The following NBEA variants were observed in gnomAD, a reference collection of about 807,000 sequenced individuals.
The protein encoded by NBEA is lysosomal-trafficking regulator 2.
NBEA carries 44 observed loss-of-function variants against 343.4 expected under a neutral mutation model. The ratio of observed to expected loss-of-function variants is 0.13; its 90% CI spans 0.10 to 0.16. The LOEUF (loss-of-function observed/expected upper bound fraction) is 0.16. Among genes scored for constraint, NBEA ranks in the 10% least tolerant of loss-of-function variants. The probability of loss-of-function intolerance (pLI) is 1.00; values close to 1 mark genes in which losing one functional copy is unlikely to be tolerated. For missense variants in NBEA, 2,555 were observed against 3,631.3 expected (o/e 0.70, Z 7.62); for synonymous variants, 1,175 against 1,238.7 (o/e 0.95, Z 1.08).
chr13:35,559,157 CT>C (rs1401712289), intron 44 of NBEA, among the ~76,000 whole-genome samples: 4 of 152,168 alleles, frequency 2.6e-5, no homozygotes, highest in African/African-American at 9.7e-5. Flanking sequence ...CTTAGAGAAG[CT>C]TCAGTAATGC....
chr13:35,085,263 T>A (rs550530771), intron 10 of NBEA, among the ~76,000 whole-genome samples: 2 of 152,150 alleles, frequency 1.3e-5, no homozygotes, highest in African/African-American at 4.8e-5. Flanking sequence ...TACCAAAGCC[T>A]GGCAGAGACA....
intron 34 of NBEA, among the ~76,000 whole-genome samples, chr13:35,245,656 T>C (rs1310866500): frequency 2.0e-5 from 3 of 152,222 alleles, no homozygotes; most frequent in African/African-American, 7.2e-5. Context: ...AGAAATCTGC[T>C]GTTAATCTGA....
intron 49 of NBEA, among the ~76,000 whole-genome samples, chr13:35,644,428 TTCC>T (rs1439397803): frequency 7.0e-6 from 1 of 142,452 alleles, no homozygotes; most frequent in African/African-American, 3.1e-5. Context: ...TGTTAATACT[TTCC>T]TTTAAGAAAC....
Position 35,159,430 on chromosome 13 carries a change from G to A in NBEA, c.3259G>A (p.Gly1087Ser), listed in dbSNP as rs749861224. Residue 1087 changes from glycine (G) to serine (S), a missense_variant, in exon 22 of 59, where the codon GGT becomes AGT. Transcript: ENST00000379939. ...GGAGACTTTAGTAGGTGGAGAGAAT[G>A]GTGCCCTTGTGGAGGTTGAATCTCT... ...SPETLVGGEN[G>S]ALVEVESLLD... The A allele has an allele frequency of 6.2e-7, 1 of 1,613,352 alleles. No homozygotes were observed. The highest frequency in any genetic ancestry group is 1.3e-5 in the African/African-American group (1 of 74,978).
At chr13:35,578,749 GT>G (rs1218819215) in intron 45 of NBEA, among the ~76,000 whole-genome samples, 10 of 152,018 alleles carry the variant, frequency 6.6e-5, no homozygotes, top group Admixed American at 6.6e-4. Flanking sequence ...ATGTGTGCAG[GT>G]TTGAGTATTC....
chr13:34,957,685 A>G (rs1260854556), intron 1 of NBEA, among the ~76,000 whole-genome samples: 3 of 152,154 alleles, frequency 2.0e-5, no homozygotes, highest in African/African-American at 7.2e-5. Context: ...CATGACCAAT[A>G]TCTATTTGAA....
At chr13:35,429,531 T>G (rs563158299) in intron 38 of NBEA, among the ~76,000 whole-genome samples, 2 of 152,286 alleles carry the variant, frequency 1.3e-5, no homozygotes, top group Non-Finnish European at 2.9e-5. Flanking sequence ...GTGGGATATA[T>G]GAAACAAAAA....
intron 1 of NBEA, among the ~76,000 whole-genome samples, chr13:34,987,694 T>C (rs1365114344): frequency 1.3e-5 from 2 of 151,002 alleles, no homozygotes; most frequent in African/African-American, 4.8e-5. Flanking sequence ...TGTTCATTTA[T>C]TTTTACTCTT....
At chr13:35,021,057 C>T (rs184908114) in intron 1 of NBEA, among the ~76,000 whole-genome samples, 20 of 152,106 alleles carry the variant, frequency 1.3e-4, no homozygotes, top group East Asian at 7.7e-4. Context: ...TCCCTTCTTC[C>T]GGTTACTGTT....
intron 34 of NBEA, among the ~76,000 whole-genome samples, chr13:35,247,639 C>T (rs2152784232): frequency 6.6e-6 from 1 of 152,276 alleles, no homozygotes; most frequent in Non-Finnish European, 1.5e-5. Flanking sequence ...TTTGGGCTGT[C>T]TCCCAGGTCC....
In NBEA at chr13:35,118,098, G is replaced by A. The variant is rs1169311236; in HGVS notation, c.2083-130G>A. ...CAGTCTATAAATTGTGAAATGTGTG[G>A]GGATTTTAATTAAAATATCACTACA... On this transcript the variant is annotated intron_variant, in intron 14 of 58. Transcript: ENST00000379939. 1.1e-4 allele frequency: 61 copies of A among 533,530 alleles called. No homozygotes were observed. In the Admixed American group the frequency reaches 2.0e-3, roughly 17 times the overall value. 33.0% of individuals were successfully genotyped at this position (533,530 alleles called of 1,614,324 possible).
intron 33 of NBEA, among the ~76,000 whole-genome samples, chr13:35,218,814 G>A (rs2074209683): frequency 6.6e-6 from 1 of 151,776 alleles, no homozygotes; most frequent in South Asian, 2.1e-4. Flanking sequence ...ATTTTTAAAT[G>A]CTAAAAGAAT....
At chr13:34,989,446 T>C (rs1566129230) in intron 1 of NBEA, among the ~76,000 whole-genome samples, 1 of 150,838 alleles carries the variant, frequency 6.6e-6, no homozygotes, top group Non-Finnish European at 1.5e-5. Context: ...AACAGACACA[T>C]CTTCACATGG....
intron 38 of NBEA, among the ~76,000 whole-genome samples, chr13:35,381,313 C>T (rs184327323): frequency 6.6e-6 from 1 of 152,198 alleles, no homozygotes; most frequent in East Asian, 1.9e-4. Context: ...TCACAGCAGA[C>T]TACTATGCTG....
At chr13:35,623,301 C>T (rs561231200) in intron 48 of NBEA, among the ~76,000 whole-genome samples, 8 of 152,214 alleles carry the variant, frequency 5.3e-5, no homozygotes, top group East Asian at 1.9e-4. Context: ...CCGGTCAATA[C>T]TGTTTATAGT....
intron 38 of NBEA, among the ~76,000 whole-genome samples, chr13:35,392,144 A>G (rs994734288): frequency 2.0e-5 from 3 of 152,132 alleles, no homozygotes; most frequent in Admixed American, 1.3e-4. Context: ...TTTTGTATGC[A>G]ATATTTTTAT....
At chr13:35,447,010 C>CT (rs2152941691) in intron 39 of NBEA, among the ~76,000 whole-genome samples, 1 of 152,040 alleles carries the variant, frequency 6.6e-6, no homozygotes, top group African/African-American at 2.4e-5. Flanking sequence ...TTGTGAATTA[C>CT]TTTTTTCTTT....
chr13:35,146,374 T>C (rs2068424088), intron 18 of NBEA, among the ~76,000 whole-genome samples: 1 of 152,284 alleles, frequency 6.6e-6, no homozygotes, highest in African/African-American at 2.4e-5. Context: ...AACTTGCCCC[T>C]GTATCAATTA....
At chr13:35,114,703 G>A (rs1173841687) in intron 13 of NBEA, among the ~76,000 whole-genome samples, 1 of 152,140 alleles carries the variant, frequency 6.6e-6, no homozygotes, top group Non-Finnish European at 1.5e-5. Flanking sequence ...GAAAGGAAGA[G>A]TACCAGTACA....
Sources: gnomAD v4.1 joint callset for allele counts (sites outside exome capture counted in the v4.1 genomes callset) on GRCh38, gnomAD v4.1.1 for gene constraint, MANE v1.5 for transcripts, NCBI Gene and HGNC (gene_info 2026-07-23, HGNC 2026-07-21) for gene names.